BANK1: variants seen among roughly 807,000 people sequenced by gnomAD.
The protein encoded by BANK1 is B cell scaffold protein with ankyrin repeats 1, also known as B-cell scaffold protein with ankyrin repeats.
Under a neutral mutation model 94.5 loss-of-function variants are expected in BANK1, and 95 were observed. The observed-to-expected ratio is 1.00, with a 90% CI of 0.85 to 1.19. The LOEUF is 1.19. BANK1 is among the 50% of genes most tolerant of loss of function. BANK1 has a pLI of 0.00. For synonymous variants in BANK1, 334 were observed against 308.4 expected (o/e 1.08, Z -0.87); for missense variants, 987 against 932.2 (o/e 1.06, Z -0.77).
chr4:102,012,778 A>G (rs977055278), intron 7 of BANK1, among the ~76,000 whole-genome samples: 1 of 151,870 alleles, frequency 6.6e-6, no homozygotes, highest in African/African-American at 2.4e-5. Context: ...TGTTTGTTTT[A>G]CCATTTGGTT....
intron 7 of BANK1, among the ~76,000 whole-genome samples, chr4:102,019,388 A>C (rs1009802631): frequency 7.2e-5 from 11 of 152,202 alleles, no homozygotes; most frequent in African/African-American, 2.7e-4. Flanking sequence ...GATTACATTT[A>C]TTGAGCAGTT....
intron 1 of BANK1, among the ~76,000 whole-genome samples, chr4:101,827,832 T>C (rs2148862392): frequency 6.6e-6 from 1 of 152,082 alleles, no homozygotes; most frequent in South Asian, 2.1e-4. Flanking sequence ...GCCATAGTTT[T>C]TTCAAAGTTT....
At chr4:101,962,995 A>T (rs78681048) in intron 7 of BANK1, among the ~76,000 whole-genome samples, 2,415 of 152,230 alleles carry the variant, frequency 0.016, 57 homozygotes, top group East Asian at 0.11. Flanking sequence ...TCTTGTTCCA[A>T]CAGTGCATTT....
At chr4:101,917,701 TTTTC>T (rs1279032909) in intron 6 of BANK1, among the ~76,000 whole-genome samples, 2 of 151,884 alleles carry the variant, frequency 1.3e-5, no homozygotes, top group African/African-American at 2.4e-5. Flanking sequence ...TACAGCATGT[TTTTC>T]TTTCTTTTTT....
At chr4:101,868,097 A>C (rs941278048) in intron 4 of BANK1, among the ~76,000 whole-genome samples, 4 of 152,060 alleles carry the variant, frequency 2.6e-5, no homozygotes, top group African/African-American at 9.7e-5. Context: ...ACACGGGTAA[A>C]TCAAAAGTGA....
chr4:101,954,912 C>G (rs1472213091), intron 7 of BANK1, among the ~76,000 whole-genome samples: 2 of 152,052 alleles, frequency 1.3e-5, no homozygotes, highest in Non-Finnish European at 2.9e-5. Context: ...TCGTTTTTCT[C>G]AGAGAGCAAG....
chr4:101,828,156 A>G (rs1726436208), intron 1 of BANK1, among the ~76,000 whole-genome samples: 1 of 150,724 alleles, frequency 6.6e-6, no homozygotes, highest in Non-Finnish European at 1.5e-5. Context: ...TTTGTTTTTT[A>G]TGCAAAATAT....
chr4:102,001,461 A>G (rs1350462716), intron 7 of BANK1, among the ~76,000 whole-genome samples: 2 of 152,112 alleles, frequency 1.3e-5, no homozygotes, highest in African/African-American at 4.8e-5. Context: ...TTAGCTGGGC[A>G]TGGTGGCACA....
chr4:101,949,330 G>A (rs11723001), intron 7 of BANK1, among the ~76,000 whole-genome samples: 3,848 of 152,232 alleles, frequency 0.025, 65 homozygotes, highest in Non-Finnish European at 0.037. Context: ...GTGAACTGTG[G>A]CCAAACCAAT....
intron 5 of BANK1, among the ~76,000 whole-genome samples, chr4:101,877,853 C>T (rs772651670): frequency 7.2e-5 from 11 of 152,084 alleles, no homozygotes; most frequent in Non-Finnish European, 1.6e-4. Flanking sequence ...CCACTGCACT[C>T]CAGCCTGGGT....
chr4:101,979,554 G>T (rs1404070504), intron 7 of BANK1, among the ~76,000 whole-genome samples: 1 of 151,708 alleles, frequency 6.6e-6, no homozygotes, highest in Non-Finnish European at 1.5e-5. Context: ...ATCATAAAGG[G>T]TTAATAAATT....
At chr4:101,919,261 A>T (rs1722924101) in intron 7 of BANK1, among the ~76,000 whole-genome samples, 1 of 151,860 alleles carries the variant, frequency 6.6e-6, no homozygotes, top group Non-Finnish European at 1.5e-5. Context: ...ATTTTTAGCC[A>T]CTGGTACACT....
chr4:102,003,601 A>G (rs1726148399), intron 7 of BANK1, among the ~76,000 whole-genome samples: 1 of 152,114 alleles, frequency 6.6e-6, no homozygotes, highest in Non-Finnish European at 1.5e-5. Flanking sequence ...TCTGTGACCT[A>G]GTTGCAGAAG....
At chr4:101,983,986 C>T (rs1376682659) in intron 7 of BANK1, among the ~76,000 whole-genome samples, 1 of 151,954 alleles carries the variant, frequency 6.6e-6, no homozygotes, top group African/African-American at 2.4e-5. Context: ...TATGTTCTGA[C>T]TGTATTAAAT....
intron 7 of BANK1, among the ~76,000 whole-genome samples, chr4:102,010,073 T>C (rs139149994): frequency 0.053 from 8,067 of 151,752 alleles, 321 homozygotes; most frequent in East Asian, 0.18. Flanking sequence ...GAGACCATCC[T>C]GGCTAACACG....
At chr4:101,980,692 T>C (rs1725298614) in intron 7 of BANK1, among the ~76,000 whole-genome samples, 1 of 152,054 alleles carries the variant, frequency 6.6e-6, no homozygotes, top group African/African-American at 2.4e-5. Flanking sequence ...CCTTGTGATG[T>C]TGAGTCTTTC....
At chr4:101,995,265 G>C (rs1725839307) in intron 7 of BANK1, among the ~76,000 whole-genome samples, 1 of 152,146 alleles carries the variant, frequency 6.6e-6, no homozygotes, top group Non-Finnish European at 1.5e-5. Context: ...TCCCTGCAAA[G>C]GACATGAACT....
At position 101,829,964 on chromosome 4, in the gene BANK1, C is replaced by G. The variant is rs140410485; in HGVS notation, c.227C>G (p.Thr76Arg). Residue 76 changes from threonine to arginine, a missense_variant, in exon 2 of 17, where the codon ACG (threonine) becomes AGG (arginine). Coordinates refer to ENST00000322953, the MANE Select transcript of BANK1 (RefSeq NM_017935.5). ...SFRHLELLNL[T>R]SYKCKLLILS... is the part of the protein sequence containing the mutation. ...CGGCATTTGGAGTTGCTGAACTTAA[C>G]GTCTTACAAATGTAAACTTTTGATA... 1.9e-6 allele frequency: 3 copies of G among 1,613,740 alleles called. No homozygotes were observed. The highest frequency in any genetic ancestry group is 1.7e-6 in the Non-Finnish European group (2 of 1,179,904).
chr4:101,829,784 A>T, intron 1 of BANK1, 24 bp from the exon 2 acceptor site: 1 of 1,441,662 alleles, frequency 6.9e-7, no homozygotes, highest in Non-Finnish European at 9.3e-7. Context: ...TGCAAATATA[A>T]GAAAATATTT....
Sources: allele counts gnomAD v4.1 joint callset (sites outside exome capture counted in the v4.1 genomes callset), GRCh38; gene constraint gnomAD v4.1.1; transcripts MANE v1.5; gene names NCBI Gene and HGNC (gene_info 2026-07-23, HGNC 2026-07-21).